Variants in KCNIP4 observed in about 807,000 individuals in gnomAD.
KCNIP4 encodes the protein potassium voltage-gated channel interacting protein 4, also known as Kv channel-interacting protein 4.
Under a neutral mutation model 34.0 loss-of-function variants are expected in KCNIP4, and 12 were observed. The observed-to-expected ratio is 0.35, with a 90% CI of 0.23 to 0.57. The LOEUF (loss-of-function observed/expected upper bound fraction) is 0.57, where lower values mean the gene tolerates loss of function less well. Among genes scored for constraint, KCNIP4 ranks in the 20% least tolerant of loss-of-function variants. KCNIP4 has a pLI of 0.83. For missense variants in KCNIP4, 238 were observed against 311.7 expected (o/e 0.76, Z 1.78); for synonymous variants, 124 against 102.2 (o/e 1.21, Z -1.29).
At chr4:21,791,271 G>A (rs1048276702) in intron 1 of KCNIP4, among the ~76,000 whole-genome samples, 7 of 151,970 alleles carry the variant, frequency 4.6e-5, no homozygotes, top group African/African-American at 1.5e-4. Context: ...TGTGTGTGAG[G>A]GCATTAATCT....
intron 1 of KCNIP4, among the ~76,000 whole-genome samples, chr4:21,682,324 A>C (rs1269636209): frequency 6.6e-6 from 1 of 152,040 alleles, no homozygotes. Flanking sequence ...CACCTCCAAC[A>C]CTGGGGATTG....
At chr4:21,888,849 C>T (rs1726931764) in intron 1 of KCNIP4, among the ~76,000 whole-genome samples, 1 of 152,126 alleles carries the variant, frequency 6.6e-6, no homozygotes, top group African/African-American at 2.4e-5. Context: ...TTTGGCTTCA[C>T]ATCCAGTTTA....
chr4:21,820,229 T>C (rs1030471595), intron 1 of KCNIP4, among the ~76,000 whole-genome samples: 1 of 148,072 alleles, frequency 6.8e-6, no homozygotes, highest in Non-Finnish European at 1.5e-5. Context: ...AATAAATTAT[T>C]TTAAATGACA....
intron 1 of KCNIP4, among the ~76,000 whole-genome samples, chr4:21,307,547 G>A (rs1016440349): frequency 1.3e-5 from 2 of 152,126 alleles, no homozygotes; most frequent in Admixed American, 6.6e-5. Flanking sequence ...CTACCCATGA[G>A]GGTAGAGATT....
chr4:21,561,449 CTGTT>C (rs1238815073), intron 1 of KCNIP4, among the ~76,000 whole-genome samples: 2 of 151,898 alleles, frequency 1.3e-5, no homozygotes, highest in African/African-American at 4.8e-5. Flanking sequence ...ACAGACAACT[CTGTT>C]TGATCATTTA....
At position 21,678,304 on chromosome 4, in the gene KCNIP4, GAT is replaced by G. The variant is rs1491428092; in HGVS notation, c.61+270265_61+270266del. On this transcript the variant is annotated intron_variant, in intron 1 of 8. Transcript: ENST00000382152. ...TCCAAGTGTCATAAAATCTTCTTTT[GAT>G]TTTTTTTTTTTTTTTTTGGTTTCCA... 1.8e-4 allele frequency among the ~76,000 whole-genome samples: 6 copies of G among 32,584 alleles called. 1 individual carries two copies. The Admixed American group carries it at 3.0e-3, about 16-fold the overall frequency. 21.4% of individuals were successfully genotyped at this position (32,584 alleles called of 152,430 possible).
intron 1 of KCNIP4, among the ~76,000 whole-genome samples, chr4:21,456,851 G>A (rs537476020): frequency 1.7e-4 from 26 of 152,118 alleles, no homozygotes; most frequent in Non-Finnish European, 3.7e-4. Context: ...TGCTCTGCAT[G>A]AATTTGCAGA....
At chr4:20,991,235 A>G (rs1014233055) in intron 1 of KCNIP4, among the ~76,000 whole-genome samples, 2 of 152,194 alleles carry the variant, frequency 1.3e-5, no homozygotes, top group Admixed American at 6.5e-5. Context: ...ACAAAGAGAC[A>G]CAAGATTTAA....
At chr4:21,194,085 A>G (rs1348288614) in intron 1 of KCNIP4, among the ~76,000 whole-genome samples, 1 of 152,166 alleles carries the variant, frequency 6.6e-6, no homozygotes, top group East Asian at 1.9e-4. Flanking sequence ...CACTAAAGAC[A>G]CTTTTACAAA....
At chr4:20,979,690 G>A (rs71607046) in intron 1 of KCNIP4, among the ~76,000 whole-genome samples, 10,876 of 151,962 alleles carry the variant, frequency 0.072, 533 homozygotes, top group Non-Finnish European at 0.11. Context: ...GAGCCACCGC[G>A]CCTGGCTCTG....
intron 1 of KCNIP4, among the ~76,000 whole-genome samples, chr4:21,323,127 T>C (rs887937299): frequency 2.8e-5 from 4 of 140,980 alleles, no homozygotes; most frequent in African/African-American, 8.0e-5. Context: ...CACTGAAAAA[T>C]GGCATCTCTT....
chr4:20,890,043 T>A (rs900714061), intron 1 of KCNIP4, among the ~76,000 whole-genome samples: 2 of 152,172 alleles, frequency 1.3e-5, no homozygotes, highest in Non-Finnish European at 2.9e-5. Flanking sequence ...TCTAACCATC[T>A]GCATCTATTA....
intron 3 of KCNIP4, among the ~76,000 whole-genome samples, chr4:20,822,193 T>C (rs1717193777): frequency 6.6e-6 from 1 of 152,026 alleles, no homozygotes. Flanking sequence ...ATCCAGAATC[T>C]ACAAGAAACT....
At chr4:20,869,200 A>G (rs1326484738) in intron 2 of KCNIP4, among the ~76,000 whole-genome samples, 1 of 152,024 alleles carries the variant, frequency 6.6e-6, no homozygotes, top group East Asian at 1.9e-4. Flanking sequence ...CAGTGATGAC[A>G]AAAGTATTCT....
At chr4:21,000,788 C>A (rs1031233114) in intron 1 of KCNIP4, among the ~76,000 whole-genome samples, 2 of 152,176 alleles carry the variant, frequency 1.3e-5, no homozygotes, top group East Asian at 3.8e-4. Flanking sequence ...TTACTCACTC[C>A]AGCTACAGCG....
intron 1 of KCNIP4, among the ~76,000 whole-genome samples, chr4:21,425,700 G>T (rs1160240724): frequency 6.6e-6 from 1 of 151,996 alleles, no homozygotes; most frequent in Middle Eastern, 3.2e-3. Flanking sequence ...AAATAAAAAA[G>T]AAACTCTTGT....
intron 1 of KCNIP4, among the ~76,000 whole-genome samples, chr4:21,248,856 A>G (rs1225810819): frequency 6.6e-6 from 1 of 151,998 alleles, no homozygotes; most frequent in Admixed American, 6.6e-5. Context: ...ACAACTTTCA[A>G]AGTCAAACAC....
intron 1 of KCNIP4, among the ~76,000 whole-genome samples, chr4:21,169,021 C>T (rs2109290296): frequency 6.6e-6 from 1 of 152,270 alleles, no homozygotes; most frequent in African/African-American, 2.4e-5. Flanking sequence ...CTGCCAATAG[C>T]CCTAGGGATG....
At chr4:21,578,140 C>T (rs969407353) in intron 1 of KCNIP4, among the ~76,000 whole-genome samples, 2 of 152,080 alleles carry the variant, frequency 1.3e-5, no homozygotes, top group South Asian at 4.2e-4. Flanking sequence ...TCAAGACCAG[C>T]CTTGCCAACA....
Sources: allele counts gnomAD v4.1 joint callset (sites outside exome capture counted in the v4.1 genomes callset), GRCh38; gene constraint gnomAD v4.1.1; transcripts MANE v1.5; gene names NCBI Gene and HGNC (gene_info 2026-07-23, HGNC 2026-07-21).